Variants in ABCD3 observed in about 807,000 individuals in gnomAD.
ABCD3 encodes ATP-binding cassette sub-family D member 3.
A neutral mutation model predicts 105.5 loss-of-function variants in ABCD3; 41 were observed. That is an observed-to-expected ratio of 0.39 (90% confidence interval 0.30 to 0.50). The LOEUF (loss-of-function observed/expected upper bound fraction) is 0.50, where lower values mean the gene tolerates loss of function less well. ABCD3 is among the 20% of genes least tolerant of loss of function. The probability of loss-of-function intolerance (pLI) is 0.84; values close to 1 mark genes in which losing one functional copy is unlikely to be tolerated. For missense variants in ABCD3, 622 were observed against 806.3 expected, an observed-to-expected ratio of 0.77 and a Z score of 2.77; for synonymous variants, 258 against 269.0, an observed-to-expected ratio of 0.96 and a Z score of 0.40.
chr1:94,398,155 A>G, the ABCD3 span, among the ~76,000 whole-genome samples: 37 of 152,174 alleles, frequency 2.4e-4, no homozygotes, highest in African/African-American at 8.7e-4. Flanking sequence ...GAATTGTTCC[A>G]GGTATGGCAA....
chr1:94,407,534 CTAAA>C, the ABCD3 span, among the ~76,000 whole-genome samples: 3 of 152,098 alleles, frequency 2.0e-5, no homozygotes, highest in Non-Finnish European at 2.9e-5. Context: ...AAGTTTATTC[CTAAA>C]TATTTTATCT....
At chr1:94,493,323 C>T (rs1370509066) in intron 16 of ABCD3, among the ~76,000 whole-genome samples, 3 of 151,832 alleles carry the variant, frequency 2.0e-5, no homozygotes, top group East Asian at 1.9e-4. Context: ...ATTTATGCAG[C>T]CAAAAAACAC....
At chr1:94,394,090 C>A in the ABCD3 span, among the ~76,000 whole-genome samples, 1 of 152,206 alleles carries the variant, frequency 6.6e-6, no homozygotes, top group Non-Finnish European at 1.5e-5. Flanking sequence ...TATGCCTCAA[C>A]CATTGGACCC....
intron 1 of ABCD3, among the ~76,000 whole-genome samples, chr1:94,422,099 ACTTTGT>A (rs1334650888): frequency 2.0e-5 from 3 of 152,062 alleles, no homozygotes; most frequent in Non-Finnish European, 4.4e-5. Context: ...CTCAGTCAAC[ACTTTGT>A]CTTAGGTGTT....
intron 20 of ABCD3, among the ~76,000 whole-genome samples, chr1:94,502,155 T>C (rs1017703878): frequency 3.3e-5 from 5 of 152,180 alleles, no homozygotes; most frequent in African/African-American, 1.2e-4. Context: ...CCTTGGCACT[T>C]CTCTAACCGC....
At chr1:94,429,115 G>C (rs1312020752) in intron 1 of ABCD3, among the ~76,000 whole-genome samples, 3 of 152,180 alleles carry the variant, frequency 2.0e-5, no homozygotes, top group Admixed American at 6.5e-5. Context: ...TTAGCAAACA[G>C]ACTGTCAGCA....
rs1454757682 is a variant in ABCD3 at position 94,498,998 on chromosome 1, A to G, written c.1584A>G (p.Gly528=). Residue 528 remains glycine (G), a synonymous_variant, in exon 19 of 23, where the codon GGA becomes GGG. Coordinates refer to ENST00000370214, the MANE Select transcript of ABCD3 (RefSeq NM_002858.4). ...TLRDQVIYPD[G]REDQKRKGIS... is the part of the protein sequence containing the mutation. ...GAGATCAAGTGATATATCCAGATGG[A>G]CGAGAAGATCAGAAAAGGAAGGGAA... 1 of 1,614,016 alleles carries G rather than the reference A, an allele frequency of 6.2e-7. No homozygotes were observed.
the ABCD3 span, among the ~76,000 whole-genome samples, chr1:94,394,772 G>A: frequency 6.6e-6 from 1 of 152,188 alleles, no homozygotes; most frequent in Non-Finnish European, 1.5e-5. Flanking sequence ...GACCTAAAGT[G>A]TTGTGCATTT....
At chr1:94,436,213 C>T (rs1373904926) in intron 1 of ABCD3, among the ~76,000 whole-genome samples, 1 of 152,214 alleles carries the variant, frequency 6.6e-6, no homozygotes, top group Non-Finnish European at 1.5e-5. Context: ...CATACTGACA[C>T]TTCCAATCCA....
chr1:94,435,630 A>G (rs1659874613), intron 1 of ABCD3, among the ~76,000 whole-genome samples: 1 of 152,220 alleles, frequency 6.6e-6, no homozygotes, highest in African/African-American at 2.4e-5. Flanking sequence ...AAAGCTTGCA[A>G]TATGGTGATA....
chr1:94,500,184 T>C (rs1016763003), intron 20 of ABCD3, among the ~76,000 whole-genome samples: 2 of 152,210 alleles, frequency 1.3e-5, no homozygotes, highest in African/African-American at 2.4e-5. Context: ...TTAATTGTTA[T>C]GATGACTAAA....
At chr1:94,416,672 A>G (rs756179815), upstream of ABCD3, among the ~76,000 whole-genome samples, 11 of 152,220 alleles carry the variant, frequency 7.2e-5, no homozygotes, top group Non-Finnish European at 1.6e-4. Flanking sequence ...GACAAGATGT[A>G]GAAACCAGAA....
At chr1:94,406,335 G>GTTTTTTTTTTTTTTTTTT in the ABCD3 span, 2 of 179,008 alleles carry the variant, frequency 1.1e-5, no homozygotes, top group Admixed American at 6.9e-5. Context: ...ATAGTATTTT[G>GTTTTTTTTTTTTTTTTTT]TTTTGTTTTT....
At chr1:94,508,295 T>C (rs2101059118) in intron 21 of ABCD3, among the ~76,000 whole-genome samples, 1 of 152,324 alleles carries the variant, frequency 6.6e-6, no homozygotes, top group South Asian at 2.1e-4. Context: ...AAAGATTAGA[T>C]AGTTGTAGAT....
chr1:94,453,354 T>C (rs1647358498), intron 1 of ABCD3, among the ~76,000 whole-genome samples: 1 of 150,962 alleles, frequency 6.6e-6, no homozygotes, highest in African/African-American at 2.4e-5. Flanking sequence ...GGAGTCTCGC[T>C]GTCGCCCAGG....
chr1:94,393,109 A>AAAAT, the ABCD3 span, among the ~76,000 whole-genome samples: 6 of 148,958 alleles, frequency 4.0e-5, no homozygotes, highest in African/African-American at 1.2e-4. Context: ...CCATCTCAAA[A>AAAAT]AAATAAATAA....
chr1:94,495,313 C>CAAAGCATTGGTTGATCCGGT (rs1649744420), intron 16 of ABCD3, among the ~76,000 whole-genome samples: 1 of 151,902 alleles, frequency 6.6e-6, no homozygotes, highest in Admixed American at 6.6e-5. Flanking sequence ...TATGGTAGTT[C>CAAAGCATTGGTTGATCCGGT]AAAGCATTGG....
chr1:94,509,244 CAT>C (rs1447736913), intron 21 of ABCD3, among the ~76,000 whole-genome samples: 1 of 152,132 alleles, frequency 6.6e-6, no homozygotes, highest in African/African-American at 2.4e-5. Flanking sequence ...TTGAGATAAT[CAT>C]GTGGTTTTTG....
intron 10 of ABCD3, among the ~76,000 whole-genome samples, chr1:94,484,179 C>T (rs932126130): frequency 6.6e-6 from 1 of 152,188 alleles, no homozygotes; most frequent in Non-Finnish European, 1.5e-5. Context: ...AACACTTTTA[C>T]ACTGTTGGTG....
Sources: allele counts gnomAD v4.1 joint callset (sites outside exome capture counted in the v4.1 genomes callset), GRCh38; gene constraint gnomAD v4.1.1; transcripts MANE v1.5; gene names NCBI Gene and HGNC (gene_info 2026-07-23, HGNC 2026-07-21).